KIAA1671: variants seen among roughly 807,000 people sequenced by gnomAD.
KIAA1671 encodes uncharacterized protein KIAA1671.
Under a neutral mutation model 131.2 loss-of-function variants are expected in KIAA1671, and 52 were observed. That is an observed-to-expected ratio of 0.40 (90% confidence interval 0.32 to 0.50). KIAA1671 has a LOEUF of 0.50. Among genes scored for constraint, KIAA1671 ranks in the 20% least tolerant of loss-of-function variants. The probability of loss-of-function intolerance (pLI) is 0.73; values close to 1 mark genes in which losing one functional copy is unlikely to be tolerated. For missense variants in KIAA1671, 2,360 were observed against 2,364.2 expected, an observed-to-expected ratio of 1.00 and a Z score of 0.04; for synonymous variants, 1,003 against 961.6, an observed-to-expected ratio of 1.04 and a Z score of -0.80.
chr22:25,138,126 A>G (rs1176646286), intron 6 of KIAA1671, among the ~76,000 whole-genome samples: 1 of 152,154 alleles, frequency 6.6e-6, no homozygotes, highest in Non-Finnish European at 1.5e-5. Flanking sequence ...AAAACAGAAA[A>G]ATAGGTTTTG....
intron 9 of KIAA1671, chr22:25,179,452 C>T (rs1934184209): frequency 5.6e-6 from 9 of 1,613,400 alleles, no homozygotes; most frequent in Non-Finnish European, 7.6e-6. Context: ...GCTTCTCCTC[C>T]GCCTGGCGGC....
At chr22:25,105,282 A>G (rs1233181058) in intron 6 of KIAA1671, among the ~76,000 whole-genome samples, 1 of 152,120 alleles carries the variant, frequency 6.6e-6, no homozygotes, top group Non-Finnish European at 1.5e-5. Flanking sequence ...TGAGCCTCCC[A>G]AAGTGTTGGG....
intron 6 of KIAA1671, among the ~76,000 whole-genome samples, chr22:25,074,427 C>T (rs1466430862): frequency 7.1e-6 from 1 of 140,898 alleles, no homozygotes; most frequent in Non-Finnish European, 1.5e-5. Flanking sequence ...ATTGCTTGAA[C>T]TTGGGAGCCG....
intron 1 of KIAA1671, chr22:25,011,519 T>G (rs956345984): frequency 6.6e-6 from 1 of 151,860 alleles, no homozygotes; most frequent in African/African-American, 2.4e-5. Flanking sequence ...AACCCTGACT[T>G]CAGGTGATCC....
At chr22:25,079,940 C>A (rs1929318666) in intron 6 of KIAA1671, among the ~76,000 whole-genome samples, 1 of 152,002 alleles carries the variant, frequency 6.6e-6, no homozygotes, top group Non-Finnish European at 1.5e-5. Flanking sequence ...GAGATGATGG[C>A]CGCTCAGACT....
At chr22:25,043,999 C>T (rs1413178584) in intron 5 of KIAA1671, among the ~76,000 whole-genome samples, 2 of 136,916 alleles carry the variant, frequency 1.5e-5, no homozygotes, top group Non-Finnish European at 3.1e-5. Context: ...AAAGGAAACT[C>T]TAGGATACAG....
chr22:25,019,328 A>G (rs930300329), intron 1 of KIAA1671, among the ~76,000 whole-genome samples: 1 of 152,148 alleles, frequency 6.6e-6, no homozygotes, highest in Non-Finnish European at 1.5e-5. Flanking sequence ...GGGATGGTAA[A>G]GGGATGAAAT....
intron 1 of KIAA1671, among the ~76,000 whole-genome samples, chr22:25,001,276 T>A (rs1047089023): frequency 1.3e-5 from 2 of 152,060 alleles, no homozygotes; most frequent in Non-Finnish European, 2.9e-5. Flanking sequence ...TATATGCATG[T>A]GTATGTGTGT....
intron 6 of KIAA1671, among the ~76,000 whole-genome samples, chr22:25,143,648 A>G (rs1263308052): frequency 6.6e-6 from 1 of 152,026 alleles, no homozygotes; most frequent in Admixed American, 6.6e-5. Context: ...GACCTTAGCC[A>G]CCATCACATG....
intron 1 of KIAA1671, among the ~76,000 whole-genome samples, chr22:24,973,797 C>G (rs1162941975): frequency 1.3e-5 from 2 of 151,976 alleles, no homozygotes; most frequent in African/African-American, 4.8e-5. Context: ...CCTGCCATGT[C>G]CCAAGTACAG....
chr22:25,168,585 A>G (rs1489176854), intron 6 of KIAA1671, among the ~76,000 whole-genome samples: 1 of 152,012 alleles, frequency 6.6e-6, no homozygotes, highest in Non-Finnish European at 1.5e-5. Flanking sequence ...CCCAGCTACT[A>G]AGGAGGCTGA....
At chr22:25,077,030 G>A (rs1929147950) in intron 6 of KIAA1671, among the ~76,000 whole-genome samples, 1 of 152,186 alleles carries the variant, frequency 6.6e-6, no homozygotes, top group Non-Finnish European at 1.5e-5. Context: ...ACTACTTCGT[G>A]GAGTCTGATC....
In KIAA1671 at chr22:25,146,980, G is replaced by A. The variant is rs550905938; in HGVS notation, c.4531-23840G>A. On this transcript the variant is annotated intron_variant, in intron 6 of 12. Coordinates refer to ENST00000358431, the MANE Select transcript of KIAA1671 (RefSeq NM_001145206.2). ...TTGGAGCAAACCTAACACTTTGTGT[G>A]CCTAATCCATGTGTGTGTTTGGGAA... Among the ~76,000 whole-genome samples, 174 of 152,116 alleles carry A rather than the reference G, an allele frequency of 1.1e-3. 3 individuals are homozygous for A. In the South Asian group the frequency reaches 0.03, roughly 26 times the overall value.
At chr22:25,144,992 T>A (rs1047744680) in intron 6 of KIAA1671, among the ~76,000 whole-genome samples, 14 of 152,190 alleles carry the variant, frequency 9.2e-5, no homozygotes, top group African/African-American at 3.1e-4. Context: ...GCCCTTTTGC[T>A]CTCAGAGTCC....
Position 25,028,675 on chromosome 22 carries a change from G to A in KIAA1671, c.676G>A (p.Asp226Asn), listed in dbSNP as rs979396513. 19 of 1,551,086 alleles carry A rather than the reference G, an allele frequency of 1.2e-5. No homozygotes were observed. The African/African-American group carries it at 2.1e-4, about 17-fold the overall frequency. The change falls in exon 3 of 13, where the codon GAC becomes AAC. Residue 226 changes from aspartate (D) to asparagine (N), a missense_variant. Coordinates refer to ENST00000358431, the MANE Select transcript of KIAA1671 (RefSeq NM_001145206.2). Reference protein sequence around the residue: ...HPPSKASSVEDTARPLVEPRP... With the variant: ...HPPSKASSVENTARPLVEPRP... ...TCCCTCAAAGGCCAGCAGTGTGGAG[G>A]ACACGGCACGCCCCCTTGTGGAGCC...
intron 12 of KIAA1671, 74 bp downstream of exon 12, chr22:25,190,858 G>C: frequency 9.8e-7 from 1 of 1,023,214 alleles, no homozygotes; most frequent in Non-Finnish European, 1.5e-6. Context: ...GGGGGGCCAC[G>C]CTTCAGAGAC....
At chr22:25,158,870 C>T (rs752131083) in intron 6 of KIAA1671, among the ~76,000 whole-genome samples, 2 of 152,238 alleles carry the variant, frequency 1.3e-5, no homozygotes, top group Non-Finnish European at 2.9e-5. Context: ...GTCAGAACTT[C>T]AGCTCACTTA....
chr22:24,960,334 T>A (rs1448554016), intron 1 of KIAA1671, among the ~76,000 whole-genome samples: 3 of 151,360 alleles, frequency 2.0e-5, no homozygotes, highest in Non-Finnish European at 2.9e-5. Flanking sequence ...TCACTTGAGG[T>A]CAGGGGTTCA....
intron 6 of KIAA1671, among the ~76,000 whole-genome samples, chr22:25,153,447 T>C (rs1192336372): frequency 2.6e-5 from 4 of 152,216 alleles, no homozygotes; most frequent in Admixed American, 6.5e-5. Context: ...CGTAGTGCCA[T>C]GGTTGGGAAA....
Sources: allele counts gnomAD v4.1 joint callset (sites outside exome capture counted in the v4.1 genomes callset), GRCh38; gene constraint gnomAD v4.1.1; transcripts MANE v1.5; gene names NCBI Gene and HGNC (gene_info 2026-07-23, HGNC 2026-07-21).